PSG3: variants seen among roughly 807,000 people sequenced by gnomAD.
PSG3 encodes the protein pregnancy-specific beta-1-glycoprotein 3.
In PSG3, 61 loss-of-function variants were observed where a neutral mutation model predicts 47.5. The observed-to-expected ratio is 1.28, with a 90% CI of 1.05 to 1.59. PSG3 has a LOEUF of 1.59. Ranked by LOEUF, PSG3 falls within the 40% of genes most tolerant of loss-of-function variation. The pLI, the probability that PSG3 is intolerant of heterozygous loss-of-function variation, is 0.00. For missense variants in PSG3, 756 were observed against 524.0 expected (o/e 1.44, Z -4.32); for synonymous variants, 263 against 198.4 (o/e 1.33, Z -2.74).
Position 42,730,382 on chromosome 19 carries a change from C to T in PSG3, c.710-326G>A, listed in dbSNP as rs528972232. Among the ~76,000 whole-genome samples, 1,074 of 152,310 alleles carry T rather than the reference C, an allele frequency of 7.1e-3. 4 individuals carry two copies. The highest frequency in any genetic ancestry group is 0.048 in the Middle Eastern group (14 of 294). ...TAATCAGTTGACTGGCTGGCTCACCCTGGGTTCCTTACCTGGAATGTGCAA... is the reference window on the plus strand; with the variant it reads ...TAATCAGTTGACTGGCTGGCTCACCTTGGGTTCCTTACCTGGAATGTGCAA... On this transcript the variant is annotated intron_variant, in intron 3 of 6. Coordinates refer to ENST00000327495, the MANE Select transcript of PSG3 (RefSeq NM_021016.4).
chr19:42,740,041 C>A (rs1282853178), intron 1 of PSG3, among the ~76,000 whole-genome samples: 1 of 151,966 alleles, frequency 6.6e-6, no homozygotes, highest in Non-Finnish European at 1.5e-5. Flanking sequence ...CAATTTCTTC[C>A]TCCCGGGTTC....
intron 3 of PSG3, among the ~76,000 whole-genome samples, 155 bp from the exon 4 acceptor site, chr19:42,730,211 A>G (rs1235936635): frequency 6.6e-6 from 1 of 152,122 alleles, no homozygotes; most frequent in African/African-American, 2.4e-5. Context: ...ATGCATGATG[A>G]TCTAAGGGCT....
intron 2 of PSG3, among the ~76,000 whole-genome samples, chr19:42,734,956 A>G (rs1333101303): frequency 6.6e-6 from 1 of 152,184 alleles, no homozygotes; most frequent in African/African-American, 2.4e-5. Context: ...TGAATTAGAA[A>G]GAGTCTAAGT....
intron 5 of PSG3, among the ~76,000 whole-genome samples, chr19:42,728,529 A>C (rs981332329): frequency 6.6e-6 from 1 of 152,172 alleles, no homozygotes; most frequent in African/African-American, 2.4e-5. Flanking sequence ...CTTGGCTTCA[A>C]CTGGCAACTC....
Position 42,722,010 on chromosome 19 carries a change from T to C in PSG3, c.*121A>G. 4.8e-6 allele frequency: 2 copies of C among 416,562 alleles called. No individual in the cohort carries two copies. The highest frequency in any genetic ancestry group is 8.8e-6 in the Non-Finnish European group (2 of 227,190). 25.8% of individuals were successfully genotyped at this position (416,562 alleles called of 1,614,324 possible). The stretch of plus-strand genomic sequence containing the variant: ...TATTCAAGAGTCCTTGTCAGAGTCT[T>C]TTCATAAATCTCCTTGAACAAAAAG... On this transcript the variant is annotated 3_prime_UTR_variant, in exon 7 of 7. Transcript: ENST00000327495.
chr19:42,732,793 T>G lies in PSG3; in HGVS notation c.700A>C (p.Asn234His). The change falls in exon 3 of 7, where the codon AAT becomes CAT. Residue 234 changes from asparagine to histidine, a missense_variant. Asn to His is a moderately conservative substitution (Grantham distance 68). Coordinates refer to ENST00000327495, the MANE Select transcript of PSG3 (RefSeq NM_021016.4). ...AACAGGAGATACTCACGGAGGAGAT[T>G]CAGGGTGACTGGGTCACTGCGGCTG... ...SASRSDPVTL[N>H]LLPKLPKPYI... The G allele has an allele frequency of 6.2e-7, 1 of 1,614,088 alleles. No individual in the cohort carries two copies. Among genetic ancestry groups the G allele is most frequent in the South Asian group, 1.1e-5 (1 of 91,076 alleles).
chr19:42,733,395 C>T (rs1969509588), intron 2 of PSG3: 1 of 365,586 alleles, frequency 2.7e-6, no homozygotes, highest in Admixed American at 3.9e-5. Context: ...ACCTTGTGGT[C>T]CTCACTTGGA....
At chr19:42,722,289 C>T (rs1442520847) in intron 6 of PSG3, among the ~76,000 whole-genome samples, 199 bp from the exon 7 acceptor site, 1 of 152,122 alleles carries the variant, frequency 6.6e-6, no homozygotes, top group Non-Finnish European at 1.5e-5. Flanking sequence ...CTCACTCTGT[C>T]ACCCAGGCTG....
At chr19:42,735,639 G>A (rs1188234346) in intron 2 of PSG3, among the ~76,000 whole-genome samples, 3 of 152,170 alleles carry the variant, frequency 2.0e-5, no homozygotes, top group Non-Finnish European at 2.9e-5. Flanking sequence ...GGGATTATAG[G>A]CATGAGCCAC....
At chr19:42,738,676 G>T (rs1467534928) in intron 2 of PSG3, 48 bp downstream of exon 2, 2 of 1,612,432 alleles carry the variant, frequency 1.2e-6, no homozygotes, top group Non-Finnish European at 1.7e-6. Flanking sequence ...TGTGTGTGAA[G>T]TAAAGACCCC....
At position 42,723,990 on chromosome 19, in the gene PSG3, G is replaced by T; in HGVS notation, c.1279C>A (p.Pro427Thr). ...AAATGACATCACGGCTGCTATAATG[G>T]ATTAAGGCCAGGAAGATGTCCTGTT... ...SGTGHLPGLN[P>T]L Residue 427 changes from proline to threonine, a missense_variant, in exon 6 of 7, where the codon CCA becomes ACA. By Grantham distance (38) the Pro-to-Thr change is conservative. Coordinates refer to ENST00000327495, the MANE Select transcript of PSG3 (RefSeq NM_021016.4). 1 of 1,611,212 alleles carries T rather than the reference G, an allele frequency of 6.2e-7. No homozygotes were observed. Among genetic ancestry groups the T allele is most frequent in the Non-Finnish European group, 8.5e-7 (1 of 1,177,352 alleles).
chr19:42,734,983 G>T (rs931863370), intron 2 of PSG3, among the ~76,000 whole-genome samples: 1 of 152,176 alleles, frequency 6.6e-6, no homozygotes, highest in Admixed American at 6.5e-5. Context: ...CCAATGGTTT[G>T]TGTGTCTCCC....
chr19:42,732,698 G>A, intron 3 of PSG3, 86 bp downstream of exon 3: 1 of 1,613,946 alleles, frequency 6.2e-7, no homozygotes. Context: ...TCTGTACTTG[G>A]ACCTGAGAGG....
chr19:42,729,342 T>A lies in PSG3; in HGVS notation c.1024A>T (p.Thr342Ser). ...PDLPRIYPSF[T>S]YYHSGENLYL... ...AGGTTTTCTCCTGAATGGTAATAGG[T>A]GAATGAAGGGTAAATTCTGGGGAGG... Residue 342 changes from threonine (T) to serine (S), a missense_variant, in exon 5 of 7, where the codon ACC (threonine) becomes TCC (serine). Thr to Ser is a moderately conservative substitution (Grantham distance 58, BLOSUM62 1). Coordinates refer to ENST00000327495, the MANE Select transcript of PSG3 (RefSeq NM_021016.4). 1 of 1,613,974 alleles carries A rather than the reference T, an allele frequency of 6.2e-7. No individual in the cohort carries two copies. The highest frequency in any genetic ancestry group is 1.1e-5 in the South Asian group (1 of 91,052).
intron 1 of PSG3, chr19:42,739,374 C>G (rs1185095173): frequency 4.7e-6 from 2 of 427,658 alleles, no homozygotes; most frequent in East Asian, 4.9e-5. Flanking sequence ...ACGGCCCCCT[C>G]CACACTGCCC....
intron 2 of PSG3, among the ~76,000 whole-genome samples, chr19:42,734,722 T>C (rs886374929): frequency 1.3e-4 from 19 of 151,740 alleles, no homozygotes; most frequent in Admixed American, 1.2e-3. Flanking sequence ...GTAGAGAGAG[T>C]CCCGTTAAAA....
rs748536866 is a variant in PSG3 at position 42,729,352 on chromosome 19, G to A, written c.1014C>T (p.Tyr338=). 3 of 1,613,912 alleles carry A rather than the reference G, an allele frequency of 1.9e-6. No individual in the cohort carries two copies. The highest frequency in any genetic ancestry group is 2.2e-5 in the East Asian group (1 of 44,894). Residue 338 remains tyrosine, a synonymous_variant, in exon 5 of 7, where the codon TAC becomes TAT. Coordinates refer to ENST00000327495, the MANE Select transcript of PSG3 (RefSeq NM_021016.4). ...VLYGPDLPRI[Y]PSFTYYHSGE... ...CTGAATGGTAATAGGTGAATGAAGGGTAAATTCTGGGGAGGTCTGGACCAT... is the reference window on the plus strand; with the variant it reads ...CTGAATGGTAATAGGTGAATGAAGGATAAATTCTGGGGAGGTCTGGACCAT...
At chr19:42,739,355 G>C (rs1266920341) in intron 1 of PSG3, 1 of 527,876 alleles carries the variant, frequency 1.9e-6, no homozygotes, top group African/African-American at 1.9e-5. Flanking sequence ...CTCTTCCCCA[G>C]GGGTCCGCAC....
intron 5 of PSG3, among the ~76,000 whole-genome samples, chr19:42,728,469 C>A (rs1944512632): frequency 6.6e-6 from 1 of 152,214 alleles, no homozygotes; most frequent in South Asian, 2.1e-4. Context: ...CAGGAGTCTG[C>A]CCTGAGGCTC....
Sources: allele counts gnomAD v4.1 joint callset (sites outside exome capture counted in the v4.1 genomes callset), GRCh38; gene constraint gnomAD v4.1.1; transcripts MANE v1.5; gene names NCBI Gene and HGNC (gene_info 2026-07-23, HGNC 2026-07-21).